The following CA4 variants were observed in gnomAD, a reference collection of about 807,000 sequenced individuals.
CA4 encodes the protein carbonic anhydrase 4.
In CA4, 24 loss-of-function variants were observed where a neutral mutation model predicts 34.5. The ratio of observed to expected loss-of-function variants is 0.70; its 90% CI spans 0.50 to 0.98. The LOEUF is 0.98. Ranked by LOEUF, CA4 falls within the 50% of genes least tolerant of loss-of-function variation. CA4 has a pLI of 0.00. For synonymous variants in CA4, 178 were observed against 170.6 expected (o/e 1.04, Z -0.34); for missense variants, 394 against 396.7 (o/e 0.99, Z 0.06).
downstream of CA4, among the ~76,000 whole-genome samples, chr17:60,162,534 GACT>G (rs887517377): frequency 2.0e-5 from 3 of 149,802 alleles, no homozygotes; most frequent in Non-Finnish European, 3.0e-5. Context: ...CCCCGTGGGT[GACT>G]GCATGGGGTA....
chr17:60,168,192 A>C (rs2083873901), intron 5 of CA4, among the ~76,000 whole-genome samples: 1 of 122,216 alleles, frequency 8.2e-6, no homozygotes. Context: ...AGGGAAGGGT[A>C]ATTTCTTTTT....
At chr17:60,170,055 C>A (rs1016148189) in intron 5 of CA4, among the ~76,000 whole-genome samples, 36 of 152,156 alleles carry the variant, frequency 2.4e-4, no homozygotes, top group African/African-American at 8.4e-4. Flanking sequence ...AATGCAGGAG[C>A]GGGGCAGGCA....
intron 3 of CA4, chr17:60,156,930 A>G: frequency 1.6e-6 from 1 of 618,830 alleles, no homozygotes; most frequent in Non-Finnish European, 2.9e-6. Context: ...TGGGGGCAGG[A>G]AACGTTCCAG....
downstream of CA4, among the ~76,000 whole-genome samples, chr17:60,159,878 G>A (rs538245509): frequency 2.5e-4 from 38 of 152,298 alleles, no homozygotes; most frequent in East Asian, 6.2e-3. Flanking sequence ...AGTGATTCAC[G>A]CCTGTAATCC....
At chr17:60,176,586 T>TA in the CA4 span, among the ~76,000 whole-genome samples, 2 of 152,276 alleles carry the variant, frequency 1.3e-5, no homozygotes, top group African/African-American at 4.8e-5. Flanking sequence ...GGACCCACTG[T>TA]AGGTACCAAT....
chr17:60,169,440 T>C (rs1315311235), intron 5 of CA4, among the ~76,000 whole-genome samples: 1 of 152,082 alleles, frequency 6.6e-6, no homozygotes, highest in Non-Finnish European at 1.5e-5. Flanking sequence ...GTGCTGATGC[T>C]GCCCCCTCCC....
intron 2 of CA4, among the ~76,000 whole-genome samples, chr17:60,155,640 G>A (rs1243455144): frequency 6.8e-6 from 1 of 147,036 alleles, no homozygotes; most frequent in Admixed American, 6.8e-5. Flanking sequence ...ACTCACACAT[G>A]CACACACACA....
chr17:60,164,826 G>C (rs1357938869), intron 5 of CA4, among the ~76,000 whole-genome samples: 1 of 151,978 alleles, frequency 6.6e-6, no homozygotes, highest in East Asian at 1.9e-4. Context: ...GGAGCACCAG[G>C]TTTACGACAC....
chr17:60,175,960 G>A, the CA4 span, among the ~76,000 whole-genome samples: 4 of 151,892 alleles, frequency 2.6e-5, no homozygotes, highest in East Asian at 5.9e-4. Context: ...GGGATTACAG[G>A]CATGTACCAC....
chr17:60,173,223 T>C (rs2083928065), downstream of CA4, among the ~76,000 whole-genome samples: 1 of 152,154 alleles, frequency 6.6e-6, no homozygotes, highest in African/African-American at 2.4e-5. Flanking sequence ...ATACAAACCA[T>C]AGAAAAATGT....
chr17:60,169,386 A>G (rs1415708689), intron 5 of CA4, among the ~76,000 whole-genome samples: 5 of 152,138 alleles, frequency 3.3e-5, no homozygotes, highest in Admixed American at 2.6e-4. Flanking sequence ...ACAGGCATAA[A>G]CTATCAACGT....
At chr17:60,156,503 G>A in intron 2 of CA4, 57 bp from the exon 3 acceptor site, 1 of 1,575,978 alleles carries the variant, frequency 6.3e-7, no homozygotes, top group Non-Finnish European at 8.7e-7. Context: ...GGGGTGGTGG[G>A]GGCTACACCT....
chr17:60,175,405 C>CA (rs1474861212), downstream of CA4, among the ~76,000 whole-genome samples: 17 of 150,756 alleles, frequency 1.1e-4, no homozygotes, highest in East Asian at 3.4e-3. Context: ...CCCATCTCTA[C>CA]AAAAAATACA....
At chr17:60,175,188 G>GTTTTTTTTT (rs1352374322), downstream of CA4, among the ~76,000 whole-genome samples, 1 of 91,366 alleles carries the variant, frequency 1.1e-5, no homozygotes, top group African/African-American at 1.5e-4. Context: ...ACACCCAGCT[G>GTTTTTTTTT]ATTTTTTTTT....
intron 1 of CA4, among the ~76,000 whole-genome samples, chr17:60,152,084 G>A (rs935041497): frequency 6.6e-6 from 1 of 152,010 alleles, no homozygotes; most frequent in Admixed American, 6.6e-5. Flanking sequence ...TCAGTGTGGG[G>A]GGCAGTAGCT....
rs2083691238 is a variant in CA4 at position 60,156,685 on chromosome 17, A to G, written c.238A>G (p.Thr80Ala). The change falls in exon 3 of 8, where the codon ACG becomes GCG. Residue 80 changes from threonine to alanine, a missense_variant. Thr to Ala is a moderately conservative substitution (Grantham distance 58). Transcript: ENST00000300900. ...CTTCTCTGGCTACGATAAGAAGCAA[A>G]CGTGGACTGTCCAAAATAACGGGCA... ...FFFSGYDKKQTWTVQNNGHSV... is the reference protein window; with the variant it reads ...FFFSGYDKKQAWTVQNNGHSV... 6.2e-7 allele frequency: 1 copy of G among 1,614,166 alleles called. No individual in the cohort carries two copies. The highest frequency in any genetic ancestry group is 8.5e-7 in the Non-Finnish European group (1 of 1,180,010).
In CA4 at chr17:60,157,465, G is replaced by C; in HGVS notation, c.307G>C (p.Gly103Arg). The change falls in exon 4 of 8, where the codon GGA (glycine) becomes CGA (arginine). Residue 103 changes from glycine to arginine, a missense_variant. By Grantham distance (125) the Gly-to-Arg change is moderately radical. Coordinates refer to ENST00000300900, the MANE Select transcript of CA4 (RefSeq NM_000717.5). ...LLENKASISG[G>R]GLPAPYQAKQ... ...GGAGAACAAGGCCAGCATTTCTGGA[G>C]GAGGACTGCCTGCCCCATACCAGGC... 3 of 1,614,162 alleles carry C rather than the reference G, an allele frequency of 1.9e-6. 1 individual carries two copies. In the South Asian group the frequency reaches 3.3e-5, roughly 18 times the overall value.
At chr17:60,166,672 T>C (rs907209051) in intron 5 of CA4, among the ~76,000 whole-genome samples, 1 of 152,046 alleles carries the variant, frequency 6.6e-6, no homozygotes. Context: ...GAGCTGAGAT[T>C]TGGCCAGGTG....
chr17:60,164,257 G>A (rs113204136), downstream of CA4, among the ~76,000 whole-genome samples: 209 of 123,132 alleles, frequency 1.7e-3, no homozygotes, highest in African/African-American at 6.3e-3. Flanking sequence ...CCTTCCTTCC[G>A]TCTTTCCGTC....
Sources: allele counts gnomAD v4.1 joint callset (sites outside exome capture counted in the v4.1 genomes callset), GRCh38; gene constraint gnomAD v4.1.1; transcripts MANE v1.5; gene names NCBI Gene and HGNC (gene_info 2026-07-23, HGNC 2026-07-21).